ERC1: variants seen among roughly 807,000 people sequenced by gnomAD.
ERC1 encodes RAB6 interacting protein 2.
ERC1 carries 56 observed loss-of-function variants against 132.0 expected under a neutral mutation model. The ratio of observed to expected loss-of-function variants is 0.42; its 90% confidence interval spans 0.34 to 0.53. The LOEUF is 0.53. ERC1 is among the 20% of genes least tolerant of loss of function. The pLI, the probability that ERC1 is intolerant of heterozygous loss-of-function variation, is 0.03. For missense variants in ERC1, 1,202 were observed against 1,349.9 expected, an observed-to-expected ratio of 0.89 and a Z score of 1.72; for synonymous variants, 478 against 476.1, an observed-to-expected ratio of 1.00 and a Z score of -0.05.
intron 8 of ERC1, among the ~76,000 whole-genome samples, chr12:1,163,039 T>C (rs113546095): frequency 6.6e-6 from 1 of 152,208 alleles, no homozygotes; most frequent in African/African-American, 2.4e-5. Context: ...GATTATATTT[T>C]TACTGGTAGC....
intron 15 of ERC1, among the ~76,000 whole-genome samples, chr12:1,324,293 A>G (rs1055820118): frequency 6.6e-6 from 1 of 152,214 alleles, no homozygotes; most frequent in African/African-American, 2.4e-5. Context: ...TGAGGTGATA[A>G]TGAACTCCAA....
intron 18 of ERC1, among the ~76,000 whole-genome samples, chr12:1,463,349 A>G (rs949349939): frequency 1.3e-5 from 2 of 152,180 alleles, no homozygotes; most frequent in Non-Finnish European, 2.9e-5. Context: ...GTATCGCTCA[A>G]GTAGCCAAAT....
At chr12:1,016,545 G>A (rs1360735283) in intron 1 of ERC1, among the ~76,000 whole-genome samples, 10 of 151,530 alleles carry the variant, frequency 6.6e-5, no homozygotes, top group Admixed American at 6.6e-4. Context: ...AGACTTCTGA[G>A]TATAATGGAT....
chr12:1,448,430 T>C (rs1420416179), intron 18 of ERC1, among the ~76,000 whole-genome samples: 1 of 152,192 alleles, frequency 6.6e-6, no homozygotes, highest in East Asian at 1.9e-4. Context: ...AGTAAGAATT[T>C]AAGGAAGTAA....
intron 14 of ERC1, among the ~76,000 whole-genome samples, chr12:1,281,151 G>C (rs1281987343): frequency 6.6e-6 from 1 of 152,068 alleles, no homozygotes; most frequent in African/African-American, 2.4e-5. Context: ...TAGAAGAAGG[G>C]CTGAATCCCT....
intron 18 of ERC1, among the ~76,000 whole-genome samples, chr12:1,487,107 A>G (rs1005691921): frequency 2.0e-5 from 3 of 152,188 alleles, no homozygotes; most frequent in African/African-American, 4.8e-5. Flanking sequence ...TGTATTTACA[A>G]GGTACCCAGC....
At chr12:1,440,437 AC>A (rs2093095854) in intron 17 of ERC1, among the ~76,000 whole-genome samples, 1 of 146,524 alleles carries the variant, frequency 6.8e-6, no homozygotes, top group South Asian at 2.1e-4. Flanking sequence ...CGATCTCCTG[AC>A]CTCGTGATCT....
At chr12:1,122,319 ATCTC>A (rs1206544664) in intron 7 of ERC1, among the ~76,000 whole-genome samples, 1 of 88 alleles carries the variant, frequency 0.011, no homozygotes, top group African/African-American at 0.045. Context: ...CTCTATCTCT[ATCTC>A]TATCTCTATC....
At chr12:1,184,887 G>C (rs1954897673) in intron 11 of ERC1, among the ~76,000 whole-genome samples, 1 of 151,900 alleles carries the variant, frequency 6.6e-6, no homozygotes, top group South Asian at 2.1e-4. Context: ...TGAAGAGCTG[G>C]GACTACAGAC....
In ERC1 at chr12:1,495,888, C is replaced by G. The variant is rs1592407611; in HGVS notation, c.*5658C>G. 1 of 187,796 alleles carries G rather than the reference C, an allele frequency of 5.3e-6. No individual in the cohort carries two copies. The highest frequency in any genetic ancestry group is 8.6e-5 in the East Asian group (1 of 11,666). The allele number at this position is 187,796 out of a possible 1,614,324, so 11.6% of individuals were successfully genotyped here. ...CTTTGTTCATTTTTTCTTTTTTATT[C>G]ACAAACTAAATCCACCAGGAAATTA... On this transcript the variant is annotated 3_prime_UTR_variant, in exon 19 of 19. Transcript: ENST00000360905.
intron 7 of ERC1, among the ~76,000 whole-genome samples, chr12:1,128,494 C>T (rs1175783037): frequency 4.6e-5 from 7 of 152,124 alleles, no homozygotes; most frequent in Non-Finnish European, 7.4e-5. Flanking sequence ...CTCAGCCTCT[C>T]GTAGTGTTAG....
intron 13 of ERC1, among the ~76,000 whole-genome samples, chr12:1,243,225 C>T (rs949391857): frequency 6.6e-6 from 1 of 150,596 alleles, no homozygotes; most frequent in Admixed American, 6.6e-5. Flanking sequence ...AAAAAGAAAT[C>T]GAGAGATGAT....
chr12:1,028,449 A>G lies in ERC1; in HGVS notation c.546A>G (p.Ser182=), dbSNP rs1239984016. The stretch of plus-strand genomic sequence containing the variant: ...TAAAGGAGAGCAAATTGAGTTCTTC[A>G]ATGAATAGCATCAAGACCTTCTGGA... ...VEVKESKLSS[S]MNSIKTFWSP... is the part of the protein sequence containing the mutation. The change falls in exon 2 of 19, where the codon TCA becomes TCG. Residue 182 remains serine (S), a synonymous_variant. Coordinates refer to ENST00000360905, the MANE Select transcript of ERC1 (RefSeq NM_178040.4). 40 of 1,614,066 alleles carry G rather than the reference A, an allele frequency of 2.5e-5. No homozygotes were observed. Among genetic ancestry groups the G allele is most frequent in the Non-Finnish European group, 2.9e-5 (34 of 1,180,038 alleles).
chr12:1,019,125 A>T (rs1054729383), intron 1 of ERC1, among the ~76,000 whole-genome samples: 3 of 151,606 alleles, frequency 2.0e-5, no homozygotes, highest in African/African-American at 7.3e-5. Context: ...AATTCAGATT[A>T]AAAAAAAATA....
rs1188341799 is a variant in ERC1, at chr12:1,021,426, C to T, written c.-156-6322C>T. On this transcript the variant is annotated intron_variant, in intron 1 of 18. Coordinates refer to ENST00000360905, the MANE Select transcript of ERC1 (RefSeq NM_178040.4). ...TACTTACTATAAAAGTGGTGGATTC[C>T]GGCCGGGCGCGGTGGCTCATGCCTG... Among the ~76,000 whole-genome samples the T allele has an allele frequency of 3.3e-5, 5 of 151,126 alleles. No individual in the cohort carries two copies. The East Asian group carries it at 6.1e-4, about 18-fold the overall frequency.
Position 1,368,985 on chromosome 12 carries a change from A to C in ERC1, c.2781-2848A>C, listed in dbSNP as rs149331723. Among the ~76,000 whole-genome samples the C allele has an allele frequency of 2.0e-3, 303 of 152,320 alleles. 1 individual carries two copies. Among genetic ancestry groups the C allele is most frequent in the African/African-American group, 6.9e-3 (286 of 41,572 alleles). ...CATGATGATCTGTTAGGGGATTTTT[A>C]GAGGATGAGAGCCATGGTCATAGGA... On this transcript the variant is annotated intron_variant, in intron 15 of 18. Transcript: ENST00000360905.
intron 14 of ERC1, among the ~76,000 whole-genome samples, chr12:1,282,328 G>A (rs971037655): frequency 1.8e-4 from 28 of 152,292 alleles, no homozygotes; most frequent in African/African-American, 6.3e-4. Context: ...CCATAAAAAT[G>A]AGGATAATAA....
chr12:1,315,074 G>T (rs1239254857), intron 15 of ERC1, among the ~76,000 whole-genome samples: 1 of 151,848 alleles, frequency 6.6e-6, no homozygotes, highest in African/African-American at 2.4e-5. Flanking sequence ...ATTGAGAATG[G>T]AGTCTCACTC....
intron 2 of ERC1, among the ~76,000 whole-genome samples, chr12:1,053,708 T>G (rs955430364): frequency 1.3e-5 from 2 of 152,218 alleles, no homozygotes; most frequent in Non-Finnish European, 2.9e-5. Flanking sequence ...GCTAGAACTC[T>G]TTATCTTCAC....
Sources: gnomAD v4.1 joint callset for allele counts (sites outside exome capture counted in the v4.1 genomes callset) on GRCh38, gnomAD v4.1.1 for gene constraint, MANE v1.5 for transcripts, NCBI Gene and HGNC (gene_info 2026-07-23, HGNC 2026-07-21) for gene names.